KHDRBS2: variants seen among roughly 807,000 people sequenced by gnomAD.
KHDRBS2 encodes KH RNA binding domain containing, signal transduction associated 2.
Under a neutral mutation model 44.3 loss-of-function variants are expected in KHDRBS2, and 26 were observed. The ratio of observed to expected loss-of-function variants is 0.59; its 90% CI spans 0.43 to 0.81. The LOEUF (loss-of-function observed/expected upper bound fraction) is 0.81. Ranked by LOEUF, KHDRBS2 falls within the 40% of genes least tolerant of loss-of-function variation. The pLI is 0.00. For missense variants in KHDRBS2, 476 were observed against 433.1 expected (o/e 1.10, Z -0.88); for synonymous variants, 194 against 151.1 (o/e 1.28, Z -2.08).
chr6:62,157,356 C>G (rs208992), intron 2 of KHDRBS2, among the ~76,000 whole-genome samples: 120,204 of 151,992 alleles, frequency 0.79, 48,128 homozygotes, highest in African/African-American at 0.92. Flanking sequence ...GCCCAATGTG[C>G]GTATAATTTA....
intron 2 of KHDRBS2, among the ~76,000 whole-genome samples, chr6:62,116,771 C>A (rs1186100332): frequency 6.6e-6 from 1 of 152,044 alleles, no homozygotes; most frequent in Non-Finnish European, 1.5e-5. Context: ...TGCGCCCTCC[C>A]ACCCCTCTCA....
chr6:61,677,173 T>C (rs1765992472), downstream of KHDRBS2, among the ~76,000 whole-genome samples: 1 of 151,842 alleles, frequency 6.6e-6, no homozygotes, highest in Non-Finnish European at 1.5e-5. Context: ...ACAACAACAA[T>C]CAAATAATTA....
At chr6:61,822,095 A>G (rs1194200146) in intron 6 of KHDRBS2, among the ~76,000 whole-genome samples, 1 of 152,024 alleles carries the variant, frequency 6.6e-6, no homozygotes, top group Non-Finnish European at 1.5e-5. Context: ...AGCCATCTCT[A>G]GGGATAAACA....
At chr6:61,927,618 G>T (rs1246432966) in intron 4 of KHDRBS2, among the ~76,000 whole-genome samples, 2 of 152,048 alleles carry the variant, frequency 1.3e-5, no homozygotes, top group Non-Finnish European at 2.9e-5. Flanking sequence ...AGAACTGATT[G>T]CCCAAACTCC....
intron 2 of KHDRBS2, among the ~76,000 whole-genome samples, chr6:62,062,770 A>C (rs1328749969): frequency 6.8e-6 from 1 of 147,780 alleles, no homozygotes; most frequent in Non-Finnish European, 1.5e-5. Context: ...GCAAGAAATA[A>C]CGAAAATCAG....
At chr6:62,042,153 G>A (rs1176188365) in intron 3 of KHDRBS2, among the ~76,000 whole-genome samples, 1 of 151,972 alleles carries the variant, frequency 6.6e-6, no homozygotes, top group Admixed American at 6.6e-5. Context: ...CAAGAGCTAT[G>A]GTTCAGGAAG....
chr6:62,107,631 GC>G, intron 2 of KHDRBS2, among the ~76,000 whole-genome samples: 1 of 152,180 alleles, frequency 6.6e-6, no homozygotes, highest in East Asian at 1.9e-4. Flanking sequence ...AGCCCGCATC[GC>G]CAAGTCAATC....
At chr6:61,790,144 T>G (rs1452490694) in intron 6 of KHDRBS2, among the ~76,000 whole-genome samples, 1 of 151,348 alleles carries the variant, frequency 6.6e-6, no homozygotes, top group Non-Finnish European at 1.5e-5. Flanking sequence ...TGTTTTCCAT[T>G]TAGGGGTGCT....
At chr6:61,710,263 T>C (rs1216579520) in intron 7 of KHDRBS2, among the ~76,000 whole-genome samples, 2 of 151,762 alleles carry the variant, frequency 1.3e-5, no homozygotes, top group East Asian at 3.9e-4. Context: ...TTTACTGTTT[T>C]GTGATTAGAA....
chr6:61,945,252 G>A (rs928260518), intron 4 of KHDRBS2, among the ~76,000 whole-genome samples: 4 of 147,906 alleles, frequency 2.7e-5, no homozygotes, highest in South Asian at 2.1e-4. Flanking sequence ...ATTTAAAACC[G>A]TATTTTTAAG....
chr6:62,204,510 C>A (rs1827615288), intron 1 of KHDRBS2, among the ~76,000 whole-genome samples: 1 of 152,154 alleles, frequency 6.6e-6, no homozygotes, highest in East Asian at 1.9e-4. Context: ...AAAATCTAAA[C>A]ATCTGCAAAA....
intron 1 of KHDRBS2, among the ~76,000 whole-genome samples, chr6:62,279,599 G>C (rs1440934195): frequency 1.3e-5 from 2 of 152,122 alleles, no homozygotes; most frequent in African/African-American, 4.8e-5. Flanking sequence ...GTGGTGGATA[G>C]GTTGAAAATA....
chr6:61,553,724 AT>A, the KHDRBS2 span, among the ~76,000 whole-genome samples: 2 of 152,088 alleles, frequency 1.3e-5, no homozygotes, highest in African/African-American at 4.8e-5. Context: ...GTTTCAAAGA[AT>A]TTCTTGATTT....
At chr6:62,073,117 T>A (rs1795573389) in intron 2 of KHDRBS2, among the ~76,000 whole-genome samples, 2 of 151,890 alleles carry the variant, frequency 1.3e-5, no homozygotes, top group Admixed American at 1.3e-4. Context: ...TCACTTCTAA[T>A]CTTTGAAAAG....
intron 2 of KHDRBS2, among the ~76,000 whole-genome samples, chr6:62,126,149 TACC>T: frequency 6.6e-6 from 1 of 152,272 alleles, no homozygotes. Context: ...TGGCAGCATT[TACC>T]ACAAGCTGAC....
At chr6:61,643,698 A>G in the KHDRBS2 span, among the ~76,000 whole-genome samples, 1 of 152,168 alleles carries the variant, frequency 6.6e-6, no homozygotes, top group Non-Finnish European at 1.5e-5. Context: ...ACACAATCCC[A>G]TTCATAATAG....
At chr6:61,548,102 A>T in the KHDRBS2 span, among the ~76,000 whole-genome samples, 15 of 152,320 alleles carry the variant, frequency 9.8e-5, no homozygotes, top group Admixed American at 9.2e-4. Flanking sequence ...AACTGAAATG[A>T]TGAATCTAAT....
intron 6 of KHDRBS2, among the ~76,000 whole-genome samples, chr6:61,813,743 T>G (rs1430589632): frequency 1.3e-5 from 2 of 152,152 alleles, no homozygotes; most frequent in East Asian, 3.9e-4. Flanking sequence ...AATATTAATA[T>G]AGTGAAATCC....
At chr6:62,197,043 T>C (rs1018256552) in intron 1 of KHDRBS2, among the ~76,000 whole-genome samples, 4 of 152,116 alleles carry the variant, frequency 2.6e-5, no homozygotes, top group African/African-American at 9.7e-5. Flanking sequence ...GAGTATATCA[T>C]GCAGTATAAA....
Sources: allele counts gnomAD v4.1 joint callset (sites outside exome capture counted in the v4.1 genomes callset), GRCh38; gene constraint gnomAD v4.1.1; transcripts MANE v1.5; gene names NCBI Gene and HGNC (gene_info 2026-07-23, HGNC 2026-07-21).